Variants in DTD1 observed in about 807,000 individuals in gnomAD.
DTD1 encodes D-aminoacyl-tRNA deacylase 1.
Under a neutral mutation model 25.6 loss-of-function variants are expected in DTD1, and 13 were observed. The ratio of observed to expected loss-of-function variants is 0.51; its 90% CI spans 0.33 to 0.81. The LOEUF (loss-of-function observed/expected upper bound fraction) is 0.81, where lower values mean the gene tolerates loss of function less well. Ranked by LOEUF, DTD1 falls within the 30% of genes least tolerant of loss-of-function variation. The probability of loss-of-function intolerance (pLI) is 0.02; values close to 1 mark genes in which losing one functional copy is unlikely to be tolerated. For synonymous variants in DTD1, 110 were observed against 103.6 expected (o/e 1.06, Z -0.37); for missense variants, 193 against 266.4 (o/e 0.72, Z 1.92).
At chr20:18,588,201 C>T (rs2060573801) in intron 1 of DTD1, 86 bp downstream of exon 1, 4 of 1,149,892 alleles carry the variant, frequency 3.5e-6, no homozygotes, top group Non-Finnish European at 4.4e-6. Flanking sequence ...CCTGCGCCAT[C>T]CTTGGGGCCG....
intron 4 of DTD1, among the ~76,000 whole-genome samples, chr20:18,708,507 A>G (rs1177249453): frequency 6.7e-6 from 1 of 148,402 alleles, no homozygotes; most frequent in Non-Finnish European, 1.5e-5. Context: ...AGCCACGCAC[A>G]ACCACACCTG....
At chr20:18,714,569 T>C (rs1239831151) in intron 4 of DTD1, among the ~76,000 whole-genome samples, 1 of 152,216 alleles carries the variant, frequency 6.6e-6, no homozygotes, top group Non-Finnish European at 1.5e-5. Context: ...CGTAGGCTTC[T>C]GAAGAAGCAC....
chr20:18,690,781 CCT>C (rs2061043053), intron 4 of DTD1, among the ~76,000 whole-genome samples: 1 of 151,864 alleles, frequency 6.6e-6, no homozygotes, highest in Non-Finnish European at 1.5e-5. Flanking sequence ...TAATGTGATG[CCT>C]CTGGCTTTGT....
intron 4 of DTD1, among the ~76,000 whole-genome samples, chr20:18,667,172 C>T (rs2060934627): frequency 6.6e-6 from 1 of 152,192 alleles, no homozygotes; most frequent in African/African-American, 2.4e-5. Context: ...GGAAACCCGA[C>T]CTCTCGTTTC....
intron 4 of DTD1, among the ~76,000 whole-genome samples, chr20:18,684,070 G>A (rs2061007246): frequency 6.6e-6 from 1 of 152,112 alleles, no homozygotes; most frequent in South Asian, 2.1e-4. Flanking sequence ...ATGTGGCTAT[G>A]TGTATTTCTC....
intron 4 of DTD1, among the ~76,000 whole-genome samples, chr20:18,726,204 A>G (rs977593803): frequency 1.2e-4 from 18 of 152,208 alleles, no homozygotes; most frequent in Admixed American, 1.2e-3. Context: ...GATTGAACCT[A>G]AAATGCAAGC....
At chr20:18,663,486 G>A (rs1438462761) in intron 4 of DTD1, among the ~76,000 whole-genome samples, 1 of 152,124 alleles carries the variant, frequency 6.6e-6, no homozygotes, top group African/African-American at 2.4e-5. Context: ...ATGATGTTTG[G>A]TTAACAATGG....
chr20:18,745,309 C>T (rs140924167), intron 5 of DTD1, among the ~76,000 whole-genome samples: 4 of 152,306 alleles, frequency 2.6e-5, no homozygotes, highest in East Asian at 3.9e-4. Flanking sequence ...AAATGTGATG[C>T]GGCCATCTGA....
At chr20:18,681,289 G>A (rs1431803176) in intron 4 of DTD1, among the ~76,000 whole-genome samples, 1 of 152,128 alleles carries the variant, frequency 6.6e-6, no homozygotes, top group Admixed American at 6.5e-5. Context: ...ATAAGCAACT[G>A]GATTCATTTA....
chr20:18,717,519 A>T (rs922055748), intron 4 of DTD1, among the ~76,000 whole-genome samples: 1 of 152,212 alleles, frequency 6.6e-6, no homozygotes, highest in Non-Finnish European at 1.5e-5. Context: ...TAAATTCGTG[A>T]CATACCTAAC....
At chr20:18,751,512 G>A (rs1444786213) in intron 5 of DTD1, among the ~76,000 whole-genome samples, 2 of 148,132 alleles carry the variant, frequency 1.4e-5, no homozygotes, top group South Asian at 2.1e-4. Flanking sequence ...TTTTTGAGGT[G>A]GAGTCTCATT....
intron 4 of DTD1, among the ~76,000 whole-genome samples, chr20:18,646,273 G>C (rs2060850055): frequency 1.3e-5 from 2 of 152,198 alleles, no homozygotes; most frequent in Non-Finnish European, 2.9e-5. Flanking sequence ...ATGTCCTCAT[G>C]GGTTTGTAAG....
At chr20:18,618,200 G>A (rs868798476) in intron 3 of DTD1, among the ~76,000 whole-genome samples, 1 of 152,180 alleles carries the variant, frequency 6.6e-6, no homozygotes, top group African/African-American at 2.4e-5. Flanking sequence ...TTGGCAGAGT[G>A]TATTTTGAAC....
intron 4 of DTD1, among the ~76,000 whole-genome samples, chr20:18,704,302 T>G (rs1314874309): frequency 6.6e-6 from 1 of 152,112 alleles, no homozygotes; most frequent in Non-Finnish European, 1.5e-5. Context: ...GCCCAGCCAG[T>G]AGTTCGTAGC....
intron 4 of DTD1, among the ~76,000 whole-genome samples, chr20:18,652,830 A>G (rs887579166): frequency 6.6e-6 from 1 of 152,344 alleles, no homozygotes. Flanking sequence ...AACTCTATGC[A>G]GATATGGGGT....
At chr20:18,671,143 G>T (rs758155012) in intron 4 of DTD1, among the ~76,000 whole-genome samples, 5 of 152,164 alleles carry the variant, frequency 3.3e-5, no homozygotes, top group Admixed American at 6.5e-5. Flanking sequence ...GAGAAAGGCT[G>T]CCACTTCACA....
intron 3 of DTD1, among the ~76,000 whole-genome samples, chr20:18,619,842 T>C (rs1260140985): frequency 6.6e-6 from 1 of 152,248 alleles, no homozygotes; most frequent in African/African-American, 2.4e-5. Context: ...AGGTATTTAC[T>C]AAATGGCTTC....
chr20:18,760,926 C>T (rs746695838), intron 5 of DTD1, among the ~76,000 whole-genome samples: 3 of 152,328 alleles, frequency 2.0e-5, no homozygotes, highest in East Asian at 3.9e-4. Flanking sequence ...ACTCAAGCCT[C>T]GGCAATGGTG....
chr20:18,627,329 G>A (rs923926238), intron 3 of DTD1, among the ~76,000 whole-genome samples: 3 of 152,208 alleles, frequency 2.0e-5, no homozygotes, highest in Non-Finnish European at 4.4e-5. Flanking sequence ...GTTGCGGAAG[G>A]ACCTCAGGGT....
Sources: allele counts gnomAD v4.1 joint callset (sites outside exome capture counted in the v4.1 genomes callset), GRCh38; gene constraint gnomAD v4.1.1; transcripts MANE v1.5; gene names NCBI Gene and HGNC (gene_info 2026-07-23, HGNC 2026-07-21).